The following RALGAPB variants were observed in gnomAD, a reference collection of about 807,000 sequenced individuals.
The protein encoded by RALGAPB is ral GTPase-activating protein subunit beta.
A neutral mutation model predicts 161.1 loss-of-function variants in RALGAPB; 25 were observed. The observed-to-expected ratio is 0.16, with a 90% CI of 0.11 to 0.22. The LOEUF (loss-of-function observed/expected upper bound fraction) is 0.22. RALGAPB is among the 10% of genes least tolerant of loss of function. RALGAPB has a pLI of 1.00. For synonymous variants in RALGAPB, 629 were observed against 626.1 expected (o/e 1.00, Z -0.07); for missense variants, 1,391 against 1,815.2 (o/e 0.77, Z 4.25).
intron 10 of RALGAPB, among the ~76,000 whole-genome samples, chr20:38,523,161 A>T (rs894656906): frequency 3.3e-5 from 5 of 152,184 alleles, no homozygotes; most frequent in African/African-American, 9.7e-5. Flanking sequence ...CTCAAAAAAA[A>T]AAAAAAGTTC....
intron 13 of RALGAPB, among the ~76,000 whole-genome samples, chr20:38,529,233 A>G (rs1322636424): frequency 6.6e-6 from 1 of 152,204 alleles, no homozygotes; most frequent in East Asian, 1.9e-4. Flanking sequence ...TTTTACAATA[A>G]AGTATGCTGG....
chr20:38,509,695 T>C (rs1303378846), intron 6 of RALGAPB, among the ~76,000 whole-genome samples: 1 of 152,224 alleles, frequency 6.6e-6, no homozygotes, highest in Non-Finnish European at 1.5e-5. Flanking sequence ...TATATAGTAA[T>C]TCTCTTCAGT....
intron 27 of RALGAPB, 122 bp from the exon 28 acceptor site, chr20:38,570,647 A>G (rs1251655564): frequency 6.3e-6 from 3 of 479,974 alleles, no homozygotes; most frequent in African/African-American, 4.0e-5. Flanking sequence ...ATGATATTTC[A>G]GGACAGCACA....
In RALGAPB at chr20:38,525,984, T is replaced by C. The variant is rs774803344; in HGVS notation, c.1992T>C (p.Asn664=). The change falls in exon 13 of 30, where the codon AAT becomes AAC. Residue 664 remains asparagine, a synonymous_variant. Coordinates refer to ENST00000262879, the MANE Select transcript of RALGAPB (RefSeq NM_020336.4). ...TGTCCCTGAAGTTGAGACTTGTGAA[T>C]ATATTAATAGGTGCCTTGCAAACTG... ...TFLSLKLRLV[N]ILIGALQTET... The C allele has an allele frequency of 3.1e-6, 5 of 1,613,994 alleles. No homozygotes were observed. Among genetic ancestry groups the C allele is most frequent in the Non-Finnish European group, 4.2e-6 (5 of 1,179,876 alleles).
At position 38,564,264 on chromosome 20, in the gene RALGAPB, A is replaced by G. The variant is rs151159897; in HGVS notation, c.3698-1095A>G. ...TAAAGTTTTATTGGAACTCGGTCAC[A>G]CTCTAGATTATACATTGTCTATGAC... is the stretch of plus-strand genomic sequence containing the variant. On this transcript the variant is annotated intron_variant, in intron 24 of 29. Transcript: ENST00000262879. Among the ~76,000 whole-genome samples, 1,116 of 152,316 alleles carry G rather than the reference A, an allele frequency of 7.3e-3. 11 individuals carry two copies. Among genetic ancestry groups the G allele is most frequent in the Non-Finnish European group, 0.012 (837 of 68,026 alleles).
intron 5 of RALGAPB, among the ~76,000 whole-genome samples, chr20:38,507,736 T>G (rs1249087389): frequency 1.3e-5 from 2 of 152,030 alleles, no homozygotes; most frequent in Non-Finnish European, 2.9e-5. Context: ...CTTGCTCTGT[T>G]GCCCAGGGTG....
chr20:38,527,118 G>A (rs940576181), intron 13 of RALGAPB, among the ~76,000 whole-genome samples: 4 of 152,238 alleles, frequency 2.6e-5, no homozygotes, highest in Non-Finnish European at 5.9e-5. Flanking sequence ...CTCTGAGGAT[G>A]ACTTGACCTT....
rs527679721 is a variant in RALGAPB, at chr20:38,554,183, A to C, written c.3372+107A>C. On this transcript the variant is annotated intron_variant, in intron 22 of 29. Transcript: ENST00000262879. ...TAGAAGCGAATTAAAAAAAAAAAAA[A>C]CTGGTTAAAATTTTAGCCTGCATAC... The C allele has an allele frequency of 5.5e-5, 56 of 1,013,862 alleles. No individual in the cohort carries two copies. In the East Asian group the frequency reaches 1.1e-3, roughly 21 times the overall value. The allele number at this position is 1,013,862 out of a possible 1,614,324, so 62.8% of individuals were successfully genotyped here. A position where few individuals can be genotyped will look rare whatever the true frequency, so the allele number is the denominator to read the frequency against.
Position 38,575,146 on chromosome 20 carries a change from G to A in RALGAPB, c.*179G>A, listed in dbSNP as rs2088390931. On this transcript the variant is annotated 3_prime_UTR_variant, in exon 30 of 30. Coordinates refer to ENST00000262879, the MANE Select transcript of RALGAPB (RefSeq NM_020336.4). ...GATAGAAGACTTTGGGCTATCTAGT[G>A]AAATGGGCTCCCAGACACAATCACA... The A allele has an allele frequency of 3.4e-6, 2 of 587,442 alleles. No individual in the cohort carries two copies. The highest frequency in any genetic ancestry group is 3.7e-5 in the African/African-American group (2 of 53,682). 36.4% of individuals were successfully genotyped at this position (587,442 alleles called of 1,614,324 possible). A position where few individuals can be genotyped will look rare whatever the true frequency, so the allele number is the denominator to read the frequency against.
Position 38,578,050 on chromosome 20 carries a change from T to A in RALGAPB, c.*3083T>A, listed in dbSNP as rs2088501531. The A allele has an allele frequency of 1.3e-5, 2 of 148,752 alleles. No homozygotes were observed. Among genetic ancestry groups the A allele is most frequent in the Middle Eastern group, 3.4e-3 (1 of 292 alleles). The allele number at this position is 148,752 out of a possible 1,614,324, so 9.2% of individuals were successfully genotyped here. A position where few individuals can be genotyped will look rare whatever the true frequency, so the allele number is the denominator to read the frequency against. On this transcript the variant is annotated 3_prime_UTR_variant, in exon 30 of 30. Transcript: ENST00000262879. ...TGTGTTTTGTGGTAGGTGGTAAAAA[T>A]AAATAAATAAATAAATAATAAAAAA...
chr20:38,567,120 C>G lies in RALGAPB; in HGVS notation c.3842C>G (p.Ser1281Trp). Residue 1281 changes from serine to tryptophan, a missense_variant, in exon 26 of 30, where the codon TCG becomes TGG. This residue lies in a region of RALGAPB where 436 missense variants were observed against 527.0 expected (regional missense o/e 0.83). Transcript: ENST00000262879. ...GCTGATTCATTGGAAAGTAACATCT[C>G]GGACCAAGATAGTGATTCAAATATG... ...SLTDSLESNI[S>W]DQDSDSNMDL... 1 of 1,613,278 alleles carries G rather than the reference C, an allele frequency of 6.2e-7. No homozygotes were observed. Among genetic ancestry groups the G allele is most frequent in the Non-Finnish European group, 8.5e-7 (1 of 1,179,488 alleles).
chr20:38,516,580 C>T (rs748987263), intron 7 of RALGAPB: 21 of 502,640 alleles, frequency 4.2e-5, no homozygotes, highest in South Asian at 9.5e-5. Flanking sequence ...AAAGTAATTG[C>T]GGTTTTTGCC....
chr20:38,542,944 A>G (rs904115561), intron 18 of RALGAPB, among the ~76,000 whole-genome samples: 3 of 152,160 alleles, frequency 2.0e-5, no homozygotes, highest in African/African-American at 7.2e-5. Context: ...AGGAGGGGAC[A>G]TTTCTCACTA....
At chr20:38,529,325 CT>C (rs1427554868) in intron 13 of RALGAPB, among the ~76,000 whole-genome samples, 1 of 151,212 alleles carries the variant, frequency 6.6e-6, no homozygotes, top group East Asian at 2.0e-4. Flanking sequence ...CGAGACCACC[CT>C]GGCCAGCATG....
intron 27 of RALGAPB, among the ~76,000 whole-genome samples, 171 bp downstream of exon 27, chr20:38,570,167 A>G (rs537082096): frequency 6.8e-4 from 103 of 152,272 alleles, no homozygotes; most frequent in Non-Finnish European, 1.2e-3. Context: ...TAAGCCTTAG[A>G]TTACTCCTCT....
At chr20:38,525,803 A>C in intron 12 of RALGAPB, 92 bp from the exon 13 acceptor site, 9 of 1,328,552 alleles carry the variant, frequency 6.8e-6, no homozygotes, top group Non-Finnish European at 9.4e-6. Context: ...AGCCTTTCTC[A>C]TTATACTGAT....
intron 10 of RALGAPB, 150 bp downstream of exon 10, chr20:38,521,848 C>T (rs1210249509): frequency 8.2e-6 from 7 of 854,422 alleles, no homozygotes; most frequent in Non-Finnish European, 1.2e-5. Flanking sequence ...TTTCATTTTA[C>T]CTGTCTCATC....
chr20:38,474,236 C>T (rs1464991069), intron 1 of RALGAPB, among the ~76,000 whole-genome samples: 1 of 152,172 alleles, frequency 6.6e-6, no homozygotes, highest in Admixed American at 6.5e-5. Flanking sequence ...GGCCATCCCA[C>T]CCAAACGCAC....
intron 5 of RALGAPB, among the ~76,000 whole-genome samples, chr20:38,504,311 C>CA (rs1407476427): frequency 6.6e-6 from 1 of 151,696 alleles, no homozygotes; most frequent in Admixed American, 6.6e-5. Context: ...TTGACAGAGT[C>CA]AATAAAAACA....
Sources: allele counts gnomAD v4.1 joint callset (sites outside exome capture counted in the v4.1 genomes callset), GRCh38; gene constraint gnomAD v4.1.1; regional missense constraint gnomAD v4.1.1; transcripts MANE v1.5; gene names NCBI Gene and HGNC (gene_info 2026-07-23, HGNC 2026-07-21).